GNA11: variants seen among roughly 807,000 people sequenced by gnomAD.
GNA11 encodes guanine nucleotide-binding protein subunit alpha-11.
Under a neutral mutation model 38.2 loss-of-function variants are expected in GNA11, and 8 were observed. The ratio of observed to expected loss-of-function variants is 0.21; its 90% confidence interval spans 0.12 to 0.38. The LOEUF is 0.38. GNA11 is among the 10% of genes least tolerant of loss of function. The pLI, the probability that GNA11 is intolerant of heterozygous loss-of-function variation, is 1.00. For synonymous variants in GNA11, 211 were observed against 221.4 expected, an observed-to-expected ratio of 0.95 and a Z score of 0.42; for missense variants, 268 against 516.3, an observed-to-expected ratio of 0.52 and a Z score of 4.66.
intron 4 of GNA11, 35 bp from the exon 5 acceptor site, chr19:3,118,889 C>A (rs375617124): frequency 6.2e-6 from 10 of 1,601,144 alleles, no homozygotes; most frequent in Non-Finnish European, 7.7e-6. Flanking sequence ...CCTTGGGGCG[C>A]CAGGTGGCTG....
In GNA11 at chr19:3,121,328, T is replaced by C; in HGVS notation, c.*149T>C. 1 of 594,438 alleles carries C rather than the reference T, an allele frequency of 1.7e-6. No individual in the cohort carries two copies. Among genetic ancestry groups the C allele is most frequent in the Non-Finnish European group, 3.0e-6 (1 of 334,584 alleles). The allele number at this position is 594,438 out of a possible 1,614,324, so 36.8% of individuals were successfully genotyped here. ...TTTTTTTTTTCATATTTTTAACAAATGGTTTTTATTTCACAGTTATCAGGG... is the reference window on the plus strand; with the variant it reads ...TTTTTTTTTTCATATTTTTAACAAACGGTTTTTATTTCACAGTTATCAGGG... On this transcript the variant is annotated 3_prime_UTR_variant, in exon 7 of 7. Coordinates refer to ENST00000078429, the MANE Select transcript of GNA11 (RefSeq NM_002067.5).
chr19:3,101,512 G>A (rs1229856006), intron 1 of GNA11, among the ~76,000 whole-genome samples: 1 of 152,108 alleles, frequency 6.6e-6, no homozygotes, highest in Non-Finnish European at 1.5e-5. Context: ...GGCGAGGGTT[G>A]ACCGGTCAGG....
chr19:3,098,998 C>A (rs574636941), intron 1 of GNA11, among the ~76,000 whole-genome samples: 149 of 152,344 alleles, frequency 9.8e-4, no homozygotes, highest in Non-Finnish European at 1.6e-3. Context: ...GGAGCTTCCT[C>A]CCGAGCCTCC....
chr19:3,120,922 A>G lies in GNA11; in HGVS notation c.890-67A>G, dbSNP rs1007306950. 24 of 1,233,980 alleles carry G rather than the reference A, an allele frequency of 1.9e-5. No homozygotes were observed. The highest frequency in any genetic ancestry group is 2.8e-5 in the Non-Finnish European group (24 of 862,162). The allele number at this position is 1,233,980 out of a possible 1,614,324, so 76.4% of individuals were successfully genotyped here. ...ACTCGCTCATCCCCTGGGAGTGACA[A>G]AGGGGCCCACGAGTCCCTTGCCCTG... On this transcript the variant is annotated intron_variant, in intron 6 of 6. Transcript: ENST00000078429. The surrounding 1 kb of genome is among the most constrained non-coding windows in gnomAD (Gnocchi z 5.9).
rs971081237 is a variant in GNA11, at chr19:3,120,361, A to T, written c.890-628A>T. The stretch of plus-strand genomic sequence containing the variant: ...AGCCCTGGTGGGGGGAGGCCAAGGG[A>T]CTGGGGCATAGACCCCTGTCCCACC... On this transcript the variant is annotated intron_variant, in intron 6 of 6. Coordinates refer to ENST00000078429, the MANE Select transcript of GNA11 (RefSeq NM_002067.5). This position sits in a 1 kb window ranked among gnomAD's most constrained non-coding sequence, Gnocchi z 5.9. Among the ~76,000 whole-genome samples the T allele has an allele frequency of 2.0e-5, 3 of 151,706 alleles. No homozygotes were observed. The highest frequency in any genetic ancestry group is 7.3e-5 in the African/African-American group (3 of 41,254).
chr19:3,115,119 A>G, intron 4 of GNA11, 47 bp downstream of exon 4: 1 of 1,592,248 alleles, frequency 6.3e-7, no homozygotes, highest in Non-Finnish European at 8.6e-7. Context: ...TGAGAGGCTC[A>G]TTTGCCCGGT....
At chr19:3,111,528 A>G (rs1913774939) in intron 2 of GNA11, among the ~76,000 whole-genome samples, 1 of 152,184 alleles carries the variant, frequency 6.6e-6, no homozygotes, top group Non-Finnish European at 1.5e-5. Flanking sequence ...GTCATGTTCC[A>G]GTGCATGGAG....
At chr19:3,115,104 G>C (rs1913877101) in intron 4 of GNA11, 32 bp downstream of exon 4, 1 of 1,599,380 alleles carries the variant, frequency 6.3e-7, no homozygotes, top group Non-Finnish European at 8.5e-7. Flanking sequence ...GCGGGGAGGG[G>C]GCACTGAGAG....
chr19:3,112,016 T>C, intron 2 of GNA11, among the ~76,000 whole-genome samples: 1 of 152,264 alleles, frequency 6.6e-6, no homozygotes, highest in East Asian at 1.9e-4. Context: ...ATCTGCAAAC[T>C]GCAGACTGAT....
intron 1 of GNA11, among the ~76,000 whole-genome samples, chr19:3,098,847 A>G (rs953173717): frequency 3.9e-5 from 6 of 151,940 alleles, no homozygotes; most frequent in Non-Finnish European, 5.9e-5. Flanking sequence ...AGCCCAGGCC[A>G]GGGAGACGTG....
intron 2 of GNA11, 89 bp from the exon 3 acceptor site, chr19:3,113,241 C>A: frequency 7.7e-7 from 1 of 1,299,506 alleles, no homozygotes; most frequent in Non-Finnish European, 1.1e-6. Context: ...CCCGGGCCAG[C>A]CGAGGCCTGG....
chr19:3,117,185 C>T (rs1913945431), intron 4 of GNA11: 1 of 152,318 alleles, frequency 6.6e-6, no homozygotes, highest in African/African-American at 2.4e-5. Flanking sequence ...GCCCATGACC[C>T]CAGGATACAG....
At chr19:3,096,159 A>G (rs914803165) in intron 1 of GNA11, among the ~76,000 whole-genome samples, 2 of 152,028 alleles carry the variant, frequency 1.3e-5, no homozygotes, top group East Asian at 1.9e-4. Context: ...TCCTGCCGTG[A>G]GCCTCTTAGG....
chr19:3,106,916 G>A (rs1397545294), intron 1 of GNA11, among the ~76,000 whole-genome samples: 1 of 152,244 alleles, frequency 6.6e-6, no homozygotes, highest in Non-Finnish European at 1.5e-5. Flanking sequence ...AGCCAGGGCT[G>A]TGGTTGTCAT....
At chr19:3,114,621 C>G (rs1264713789) in intron 3 of GNA11, among the ~76,000 whole-genome samples, 1 of 152,210 alleles carries the variant, frequency 6.6e-6, no homozygotes, top group Non-Finnish European at 1.5e-5. Flanking sequence ...CACCGTCTCC[C>G]TCCTTGGTGG....
intron 4 of GNA11, chr19:3,115,331 G>C: frequency 2.4e-6 from 1 of 413,828 alleles, no homozygotes; most frequent in East Asian, 4.8e-5. Flanking sequence ...CTCAAGCCCA[G>C]GAGGTTGAGG....
chr19:3,104,731 C>G (rs1337862820), intron 1 of GNA11, among the ~76,000 whole-genome samples: 2 of 152,134 alleles, frequency 1.3e-5, no homozygotes, highest in Non-Finnish European at 2.9e-5. Flanking sequence ...AGCCACAGCC[C>G]CTGCGCTCAG....
chr19:3,096,072 G>A (rs1007800357), intron 1 of GNA11, among the ~76,000 whole-genome samples: 2 of 152,212 alleles, frequency 1.3e-5, no homozygotes, highest in Non-Finnish European at 1.5e-5. Context: ...CAGCGGTGAC[G>A]GAGGAGGGGG....
At chr19:3,102,838 G>C (rs1331906213) in intron 1 of GNA11, among the ~76,000 whole-genome samples, 2 of 152,212 alleles carry the variant, frequency 1.3e-5, no homozygotes, top group Non-Finnish European at 2.9e-5. Flanking sequence ...TCTTGGTCAG[G>C]GTTAGATTTC....
Sources: gnomAD v4.1 joint callset for allele counts (sites outside exome capture counted in the v4.1 genomes callset) on GRCh38, gnomAD v4.1.1 for gene constraint, Gnocchi (gnomAD v3.1) non-coding constraint, MANE v1.5 for transcripts, NCBI Gene and HGNC (gene_info 2026-07-23, HGNC 2026-07-21) for gene names.